The following AFF3 variants were observed in gnomAD, a reference collection of about 807,000 sequenced individuals.
AFF3 encodes ALF transcription elongation factor 3.
In AFF3, 32 loss-of-function variants were observed where a neutral mutation model predicts 129.7. The ratio of observed to expected loss-of-function variants is 0.25; its 90% CI spans 0.19 to 0.33. The LOEUF (loss-of-function observed/expected upper bound fraction) is 0.33, where lower values mean the gene tolerates loss of function less well. Ranked by LOEUF, AFF3 falls within the 10% of genes least tolerant of loss-of-function variation. The pLI is 1.00. For synonymous variants in AFF3, 644 were observed against 635.4 expected (o/e 1.01, Z -0.20); for missense variants, 1,373 against 1,592.0 (o/e 0.86, Z 2.34).
chr2:99,671,511 T>C (rs1000706192), intron 12 of AFF3, among the ~76,000 whole-genome samples: 3 of 152,148 alleles, frequency 2.0e-5, no homozygotes, highest in Admixed American at 1.3e-4. Context: ...TGCTCACTCT[T>C]CCTCGAAATT....
intron 13 of AFF3, among the ~76,000 whole-genome samples, chr2:99,622,365 G>A (rs952759758): frequency 2.6e-5 from 4 of 152,186 alleles, no homozygotes; most frequent in African/African-American, 7.2e-5. Flanking sequence ...TTATTCAAGG[G>A]AAGGAATGTC....
chr2:99,993,557 C>G (rs1380171539), intron 7 of AFF3, among the ~76,000 whole-genome samples: 1 of 151,076 alleles, frequency 6.6e-6, no homozygotes, highest in African/African-American at 2.4e-5. Flanking sequence ...TATATAAAAA[C>G]TAAAGATAAA....
At chr2:99,927,877 A>G (rs1281849084) in intron 7 of AFF3, among the ~76,000 whole-genome samples, 2 of 152,222 alleles carry the variant, frequency 1.3e-5, no homozygotes, top group African/African-American at 4.8e-5. Context: ...TGTAGCTCCC[A>G]TAATTCCCAC....
At chr2:99,688,467 C>T (rs1675286037) in intron 11 of AFF3, among the ~76,000 whole-genome samples, 1 of 152,216 alleles carries the variant, frequency 6.6e-6, no homozygotes, top group African/African-American at 2.4e-5. Context: ...CACACATATA[C>T]CTTAAAACTA....
Position 99,930,849 on chromosome 2 carries a change from T to C in AFF3, c.873+75783A>G, listed in dbSNP as rs78520416. On this transcript the variant is annotated intron_variant, in intron 7 of 24. Coordinates refer to ENST00000672756, the MANE Select transcript of AFF3 (RefSeq NM_001386135.1). ...TTCCAATTCATGGTTTTCAAGGACA[T>C]GTTCCATTTCTATGAGGCTCTAATG... Among the ~76,000 whole-genome samples the C allele has an allele frequency of 4.5e-3, 688 of 152,278 alleles. 6 individuals are homozygous for C. The highest frequency in any genetic ancestry group is 0.015 in the African/African-American group (618 of 41,516).
chr2:99,570,410 T>C (rs1011228861), intron 18 of AFF3, among the ~76,000 whole-genome samples: 1 of 152,138 alleles, frequency 6.6e-6, no homozygotes, highest in African/African-American at 2.4e-5. Context: ...CAATCACCCA[T>C]ACTGCAGCAT....
At chr2:99,737,467 T>A (rs1426249899) in intron 10 of AFF3, among the ~76,000 whole-genome samples, 1 of 151,812 alleles carries the variant, frequency 6.6e-6, no homozygotes, top group African/African-American at 2.4e-5. Flanking sequence ...AGATACACAA[T>A]CCTAAGCTGA....
chr2:99,979,484 T>C (rs1679197435), intron 7 of AFF3, among the ~76,000 whole-genome samples: 1 of 152,054 alleles, frequency 6.6e-6, no homozygotes, highest in South Asian at 2.1e-4. Flanking sequence ...TTTTTTTAAA[T>C]TCTTTATCTC....
chr2:99,767,118 T>C (rs6746134), intron 8 of AFF3, among the ~76,000 whole-genome samples: 28,103 of 152,224 alleles, frequency 0.18, 3,251 homozygotes, highest in South Asian at 0.27. Context: ...CACTCAGGCA[T>C]GCGTTCAACC....
chr2:99,582,763 TG>T (rs781560914), intron 17 of AFF3, 34 bp downstream of exon 17: 1 of 1,607,356 alleles, frequency 6.2e-7, no homozygotes, highest in African/African-American at 1.3e-5. Flanking sequence ...AATTTCATTT[TG>T]GTTTTAATTG....
chr2:99,942,605 T>C (rs984600738), intron 7 of AFF3, among the ~76,000 whole-genome samples: 5 of 151,746 alleles, frequency 3.3e-5, no homozygotes, highest in African/African-American at 1.2e-4. Flanking sequence ...AGAACATTTT[T>C]GGCAGAAGGA....
At chr2:99,855,369 A>G (rs1432048434) in intron 7 of AFF3, among the ~76,000 whole-genome samples, 1 of 152,182 alleles carries the variant, frequency 6.6e-6, no homozygotes, top group African/African-American at 2.4e-5. Context: ...CACAGTCTGG[A>G]AGAAAATATT....
In AFF3 at chr2:99,765,494, G is replaced by A. The variant is rs1289087883; in HGVS notation, c.922-13193C>T. The stretch of plus-strand genomic sequence containing the variant: ...ATAATTTTGGCCTTGCCATAAACCA[G>A]CAGAATGACCTCGGGCAAGTTTACT... On this transcript the variant is annotated intron_variant, in intron 8 of 24. Transcript: ENST00000672756. 2.0e-5 allele frequency among the ~76,000 whole-genome samples: 3 copies of A among 152,224 alleles called. No homozygotes were observed. The East Asian group carries it at 5.8e-4, about 29-fold the overall frequency.
intron 18 of AFF3, among the ~76,000 whole-genome samples, chr2:99,569,705 T>C (rs943236666): frequency 2.0e-5 from 3 of 152,190 alleles, no homozygotes; most frequent in Non-Finnish European, 4.4e-5. Flanking sequence ...TTTAAGTGTT[T>C]AGCCCGATAG....
At chr2:99,774,141 A>G (rs779280883) in intron 8 of AFF3, among the ~76,000 whole-genome samples, 7 of 152,248 alleles carry the variant, frequency 4.6e-5, no homozygotes, top group African/African-American at 4.8e-5. Flanking sequence ...AATCGATATC[A>G]TGAAAATGGC....
At position 99,601,452 on chromosome 2, in the gene AFF3, G is replaced by A. The variant is rs201879547; in HGVS notation, c.1354C>T (p.His452Tyr). 85 of 1,606,692 alleles carry A rather than the reference G, an allele frequency of 5.3e-5. No homozygotes were observed. Among genetic ancestry groups the A allele is most frequent in the Non-Finnish European group, 7.1e-5 (84 of 1,176,038 alleles). The change falls in exon 14 of 25, where the codon CAC (histidine) becomes TAC (tyrosine). Residue 452 changes from histidine (H) to tyrosine (Y), a missense_variant. His to Tyr is a moderately conservative substitution (Grantham distance 83, BLOSUM62 2). This residue lies in a region of AFF3 where 413 missense variants were observed against 424.4 expected (regional missense o/e 0.97). Coordinates refer to ENST00000672756, the MANE Select transcript of AFF3 (RefSeq NM_001386135.1). ...SSESEGSKPP[H>Y]FSSPEAEPAS... ...GCGCTTACCTCGGGGCTGGAGAAGT[G>A]GGGGGGCTTGCTGCCCTCACTCTCG...
At chr2:100,141,813 A>T (rs1411949596) in intron 1 of AFF3, among the ~76,000 whole-genome samples, 2 of 152,196 alleles carry the variant, frequency 1.3e-5, no homozygotes, top group African/African-American at 4.8e-5. Flanking sequence ...ACATAAACAC[A>T]CATACACACA....
At chr2:99,769,488 C>T (rs1683289052) in intron 8 of AFF3, among the ~76,000 whole-genome samples, 1 of 152,110 alleles carries the variant, frequency 6.6e-6, no homozygotes, top group Non-Finnish European at 1.5e-5. Flanking sequence ...AGAATTAGTC[C>T]CTGACACCTT....
intron 18 of AFF3, among the ~76,000 whole-genome samples, chr2:99,570,481 T>C (rs3792120): frequency 0.35 from 53,175 of 151,930 alleles, 13,034 homozygotes; most frequent in African/African-American, 0.7. Flanking sequence ...GGACTACAGG[T>C]GTGTGCCACT....
Sources: allele counts gnomAD v4.1 joint callset (sites outside exome capture counted in the v4.1 genomes callset), GRCh38; gene constraint gnomAD v4.1.1; regional missense constraint gnomAD v4.1.1; transcripts MANE v1.5; gene names NCBI Gene and HGNC (gene_info 2026-07-23, HGNC 2026-07-21).